Variants in FRMD5 observed in about 807,000 individuals in gnomAD.
FRMD5 encodes FERM domain containing 5, also known as FERM domain-containing protein 5.
In FRMD5, 20 loss-of-function variants were observed where a neutral mutation model predicts 69.0. The observed-to-expected ratio is 0.29, with a 90% CI of 0.20 to 0.42. FRMD5 has a LOEUF of 0.42. Ranked by LOEUF, FRMD5 falls within the 10% of genes least tolerant of loss-of-function variation. The probability of loss-of-function intolerance (pLI) is 1.00; values close to 1 mark genes in which losing one functional copy is unlikely to be tolerated. For synonymous variants in FRMD5, 271 were observed against 260.1 expected (o/e 1.04, Z -0.40); for missense variants, 595 against 708.6 (o/e 0.84, Z 1.82).
chr15:44,102,878 A>G (rs556870966), intron 1 of FRMD5, among the ~76,000 whole-genome samples: 52 of 152,346 alleles, frequency 3.4e-4, no homozygotes, highest in Middle Eastern at 3.4e-3. Context: ...AGAAAGGCTC[A>G]CTAGTCACAG....
intron 1 of FRMD5, among the ~76,000 whole-genome samples, chr15:43,959,290 T>G (rs543174973): frequency 3.3e-5 from 5 of 152,346 alleles, no homozygotes; most frequent in African/African-American, 1.2e-4. Flanking sequence ...ATATTCATCA[T>G]GGACTAAATA....
intron 1 of FRMD5, among the ~76,000 whole-genome samples, chr15:44,066,449 G>A (rs1472526171): frequency 6.6e-6 from 1 of 152,146 alleles, no homozygotes; most frequent in African/African-American, 2.4e-5. Context: ...GATCAACAGA[G>A]ACTTCAAGGC....
chr15:44,043,598 C>A (rs542316811), intron 1 of FRMD5, among the ~76,000 whole-genome samples: 10 of 152,120 alleles, frequency 6.6e-5, no homozygotes, highest in Non-Finnish European at 1.3e-4. Flanking sequence ...TGGAACAGAA[C>A]AGAGGCCTCA....
intron 1 of FRMD5, among the ~76,000 whole-genome samples, chr15:44,179,191 C>G (rs929714428): frequency 2.6e-5 from 4 of 152,096 alleles, no homozygotes; most frequent in African/African-American, 7.2e-5. Flanking sequence ...TTAGTAACTA[C>G]TACTTAAAGG....
At chr15:44,092,924 T>C (rs1352188894) in intron 1 of FRMD5, among the ~76,000 whole-genome samples, 1 of 134,480 alleles carries the variant, frequency 7.4e-6, no homozygotes, top group Non-Finnish European at 1.5e-5. Context: ...TTCTATCCTC[T>C]GCCTTTTTTT....
intron 1 of FRMD5, among the ~76,000 whole-genome samples, chr15:43,952,066 T>C (rs2090045032): frequency 6.7e-6 from 1 of 148,692 alleles, no homozygotes; most frequent in South Asian, 2.1e-4. Context: ...GTGGTCAAAC[T>C]GCCATAGACT....
At chr15:44,181,320 G>A (rs906625425) in intron 1 of FRMD5, among the ~76,000 whole-genome samples, 1 of 151,986 alleles carries the variant, frequency 6.6e-6, no homozygotes, top group Admixed American at 6.6e-5. Flanking sequence ...TTGGAGGCAT[G>A]AGCTACTGTG....
intron 1 of FRMD5, among the ~76,000 whole-genome samples, chr15:44,032,175 T>C (rs781384475): frequency 2.0e-5 from 3 of 152,214 alleles, no homozygotes; most frequent in African/African-American, 4.8e-5. Context: ...ACTGGACCCC[T>C]TCCTTACATT....
chr15:43,985,407 T>G (rs1000651119), intron 1 of FRMD5, among the ~76,000 whole-genome samples: 10 of 151,744 alleles, frequency 6.6e-5, no homozygotes, highest in African/African-American at 2.4e-4. Context: ...CTCTCACTTA[T>G]AAAATGAGTA....
chr15:43,926,553 C>T (rs1307375121), intron 1 of FRMD5, among the ~76,000 whole-genome samples: 1 of 152,144 alleles, frequency 6.6e-6, no homozygotes, highest in Non-Finnish European at 1.5e-5. Context: ...ACCTCTTCCC[C>T]TTCTGCTAAC....
Position 43,873,271 on chromosome 15 carries a change from A to G in FRMD5, c.*614T>C, listed in dbSNP as rs1417303111. 6.5e-7 allele frequency: 1 copy of G among 1,540,358 alleles called. No homozygotes were observed. Among genetic ancestry groups the G allele is most frequent in the Non-Finnish European group, 8.7e-7 (1 of 1,144,346 alleles). ...AGGAAAAGAAAATCCAACTCAGACC[A>G]TCATAAGAAGCAACTTTCCATTTAA... On this transcript the variant is annotated 3_prime_UTR_variant, in exon 14 of 14. Coordinates refer to ENST00000417257, the MANE Select transcript of FRMD5 (RefSeq NM_032892.5).
At chr15:44,036,423 G>T (rs1055353820) in intron 1 of FRMD5, among the ~76,000 whole-genome samples, 4 of 151,948 alleles carry the variant, frequency 2.6e-5, no homozygotes, top group African/African-American at 9.7e-5. Flanking sequence ...AAATAGAGGA[G>T]AGAAGTTGTT....
intron 1 of FRMD5, among the ~76,000 whole-genome samples, chr15:44,114,990 C>T (rs906252707): frequency 2.6e-5 from 4 of 152,136 alleles, no homozygotes; most frequent in Non-Finnish European, 5.9e-5. Context: ...AGCTACAAGT[C>T]AGGAACTCTT....
intron 1 of FRMD5, among the ~76,000 whole-genome samples, chr15:43,963,659 A>C (rs1323439531): frequency 6.6e-6 from 1 of 152,244 alleles, no homozygotes; most frequent in African/African-American, 2.4e-5. Flanking sequence ...AACCAACCCA[A>C]ATGTCCAACA....
chr15:43,934,919 A>T (rs1182714338), intron 1 of FRMD5, among the ~76,000 whole-genome samples: 2 of 152,212 alleles, frequency 1.3e-5, no homozygotes, highest in African/African-American at 4.8e-5. Flanking sequence ...TATTTGTATG[A>T]TCTTGTGTAT....
chr15:44,096,403 CTT>C (rs751057566), intron 1 of FRMD5, among the ~76,000 whole-genome samples: 35 of 130,696 alleles, frequency 2.7e-4, no homozygotes, highest in African/African-American at 2.0e-4. Flanking sequence ...TACGGTGTAT[CTT>C]TTTTTTTTTT....
intron 1 of FRMD5, among the ~76,000 whole-genome samples, chr15:43,949,325 C>T (rs1352732195): frequency 1.3e-5 from 2 of 152,224 alleles, no homozygotes; most frequent in East Asian, 3.9e-4. Context: ...TTCCCCTTCA[C>T]AATGGGATGG....
At chr15:44,036,450 C>A (rs369847894) in intron 1 of FRMD5, among the ~76,000 whole-genome samples, 2 of 152,036 alleles carry the variant, frequency 1.3e-5, no homozygotes, top group Non-Finnish European at 2.9e-5. Context: ...GTATAGGCAC[C>A]GGCAGCTGGG....
At chr15:44,003,644 T>A (rs936938679) in intron 1 of FRMD5, among the ~76,000 whole-genome samples, 8 of 152,182 alleles carry the variant, frequency 5.3e-5, no homozygotes, top group Non-Finnish European at 7.3e-5. Flanking sequence ...GAAATGATTA[T>A]TTTACTTCCT....
Sources: allele counts gnomAD v4.1 joint callset (sites outside exome capture counted in the v4.1 genomes callset), GRCh38; gene constraint gnomAD v4.1.1; transcripts MANE v1.5; gene names NCBI Gene and HGNC (gene_info 2026-07-23, HGNC 2026-07-21).